HDAC9: variants seen among roughly 807,000 people sequenced by gnomAD.
The protein encoded by HDAC9 is MEF-2 interacting transcription repressor (MITR) protein.
HDAC9 carries 41 observed loss-of-function variants against 139.4 expected under a neutral mutation model. The ratio of observed to expected loss-of-function variants is 0.29; its 90% confidence interval spans 0.23 to 0.38. The LOEUF is 0.38. HDAC9 is among the 10% of genes least tolerant of loss of function. HDAC9 has a pLI of 1.00. For missense variants in HDAC9, 1,147 were observed against 1,297.0 expected, an observed-to-expected ratio of 0.88 and a Z score of 1.78; for synonymous variants, 517 against 476.2, an observed-to-expected ratio of 1.09 and a Z score of -1.12.
At chr7:18,676,979 C>T (rs1781557466) in intron 12 of HDAC9, among the ~76,000 whole-genome samples, 1 of 151,706 alleles carries the variant, frequency 6.6e-6, no homozygotes, top group Admixed American at 6.6e-5. Flanking sequence ...GATTTTTAGT[C>T]TACTTTTTGA....
chr7:18,732,816 CGT>C lies in HDAC9; in HGVS notation c.1909+5064_1909+5065del, dbSNP rs1436807265. On this transcript the variant is annotated intron_variant, in intron 13 of 25. Transcript: ENST00000686413. Reference sequence around the variant, plus strand: ...GTTTGTGTGCGTATGTGTACACACACGTGTGTATGTGTGCGTATGTGTACACA... The same window carrying C: ...GTTTGTGTGCGTATGTGTACACACACGTGTATGTGTGCGTATGTGTACACA... 1.3e-3 allele frequency among the ~76,000 whole-genome samples: 111 copies of C among 85,978 alleles called. 13 individuals are homozygous for C. Among genetic ancestry groups the C allele is most frequent in the Middle Eastern group, 0.015 (2 of 134 alleles). 56.4% of individuals were successfully genotyped at this position (85,978 alleles called of 152,430 possible).
chr7:18,393,839 T>C (rs1269605350), intron 1 of HDAC9, among the ~76,000 whole-genome samples: 1 of 152,218 alleles, frequency 6.6e-6, no homozygotes, highest in African/African-American at 2.4e-5. Context: ...AGTGAAAATT[T>C]CCTACAGGCT....
chr7:18,238,223 A>T (rs1039738492), intron 2 of HDAC9, among the ~76,000 whole-genome samples: 1 of 152,244 alleles, frequency 6.6e-6, no homozygotes, highest in Non-Finnish European at 1.5e-5. Flanking sequence ...TTTCTACAGC[A>T]TTTATAATTT....
At chr7:18,352,870 T>G (rs1394252844) in intron 1 of HDAC9, among the ~76,000 whole-genome samples, 1 of 152,118 alleles carries the variant, frequency 6.6e-6, no homozygotes, top group East Asian at 1.9e-4. Flanking sequence ...ATCTGTATCT[T>G]CTAAGAAAAT....
chr7:18,463,755 C>T (rs542848720), intron 1 of HDAC9, among the ~76,000 whole-genome samples: 22 of 151,804 alleles, frequency 1.4e-4, no homozygotes, highest in African/African-American at 5.3e-4. Context: ...GCATATTATG[C>T]TTTAGTTTTT....
At chr7:18,811,898 A>G (rs1441982159) in intron 17 of HDAC9, among the ~76,000 whole-genome samples, 1 of 151,644 alleles carries the variant, frequency 6.6e-6, no homozygotes, top group Non-Finnish European at 1.5e-5. Context: ...CAAAATATGT[A>G]CATATTCATC....
intron 22 of HDAC9, among the ~76,000 whole-genome samples, chr7:18,932,814 T>C (rs1212940629): frequency 2.6e-5 from 2 of 75,712 alleles, no homozygotes; most frequent in South Asian, 7.3e-4. Flanking sequence ...GAAAGAAAGA[T>C]AGAAAGAAAG....
intron 12 of HDAC9, among the ~76,000 whole-genome samples, chr7:18,721,921 C>T (rs1446780827): frequency 6.6e-6 from 1 of 152,174 alleles, no homozygotes; most frequent in Non-Finnish European, 1.5e-5. Context: ...ACTATCCCTA[C>T]CCACTTTCAA....
intron 1 of HDAC9, among the ~76,000 whole-genome samples, chr7:18,456,263 G>A (rs1273065987): frequency 2.0e-5 from 3 of 152,118 alleles, no homozygotes; most frequent in Non-Finnish European, 4.4e-5. Flanking sequence ...TTGAGATAGA[G>A]TCTTTCTCTG....
At chr7:18,281,647 C>T (rs752412081) in intron 2 of HDAC9, among the ~76,000 whole-genome samples, 3 of 152,210 alleles carry the variant, frequency 2.0e-5, no homozygotes, top group Non-Finnish European at 2.9e-5. Flanking sequence ...TAAACACCTT[C>T]CTTTGTAACC....
intron 1 of HDAC9, among the ~76,000 whole-genome samples, chr7:18,432,882 C>T (rs1010350893): frequency 2.0e-5 from 3 of 150,818 alleles, no homozygotes; most frequent in South Asian, 2.1e-4. Flanking sequence ...ACCCGGGAGG[C>T]GGAGCTTGCA....
intron 2 of HDAC9, among the ~76,000 whole-genome samples, chr7:18,244,179 G>C (rs1794368231): frequency 6.6e-6 from 1 of 152,054 alleles, no homozygotes; most frequent in African/African-American, 2.4e-5. Flanking sequence ...AAATCCAATA[G>C]TGCAGGAGGG....
In HDAC9 at chr7:18,719,331, C is replaced by CTTTTTTTTTTT. The variant is rs757689693; in HGVS notation, c.1732-8233_1732-8223dup. On this transcript the variant is annotated intron_variant, in intron 12 of 25. Coordinates refer to ENST00000686413, the MANE Select transcript of HDAC9 (RefSeq NM_178425.4). The stretch of plus-strand genomic sequence containing the variant: ...CTAATTAACCTATTTTTTTCTCTTC[C>CTTTTTTTTTTT]TTTTTTTTTTTTTTTTTTTTTTTTT... Among the ~76,000 whole-genome samples the CTTTTTTTTTTT allele has an allele frequency of 1.0e-3, 77 of 73,908 alleles. 9 individuals carry two copies. Among genetic ancestry groups the CTTTTTTTTTTT allele is most frequent in the African/African-American group, 2.5e-3 (38 of 15,202 alleles). 48.5% of individuals were successfully genotyped at this position (73,908 alleles called of 152,430 possible). A position where few individuals can be genotyped will look rare whatever the true frequency, so the allele number is the denominator to read the frequency against.
At position 18,733,004 on chromosome 7, in the gene HDAC9, C is replaced by T. The variant is rs534601205; in HGVS notation, c.1909+5247C>T. On this transcript the variant is annotated intron_variant, in intron 13 of 25. Coordinates refer to ENST00000686413, the MANE Select transcript of HDAC9 (RefSeq NM_178425.4). ...GTGTATGTGTGTGTATGTGTATATA[C>T]ACATGTGTATGTGTGTATATATGTA... 6.0e-4 allele frequency among the ~76,000 whole-genome samples: 84 copies of T among 139,044 alleles called. 2 individuals are homozygous for T. In the South Asian group the frequency reaches 0.011, roughly 18 times the overall value. The allele number at this position is 139,044 out of a possible 152,430, so 91.2% of individuals were successfully genotyped here. A position where few individuals can be genotyped will look rare whatever the true frequency, so the allele number is the denominator to read the frequency against.
rs947011607 is a variant in HDAC9, at chr7:18,714,826, C to G, written c.1732-12754C>G. On this transcript the variant is annotated intron_variant, in intron 12 of 25. Coordinates refer to ENST00000686413, the MANE Select transcript of HDAC9 (RefSeq NM_178425.4). ...GATTGTAAATTCAGAAGAAGAGTGA[C>G]TGGATCTGTTGAGTCCACCATTGTA... 2.0e-5 allele frequency among the ~76,000 whole-genome samples: 3 copies of G among 152,152 alleles called. No individual in the cohort carries two copies. In the South Asian group the frequency reaches 6.2e-4, roughly 31 times the overall value.
chr7:18,397,727 C>A (rs968164990), intron 1 of HDAC9, among the ~76,000 whole-genome samples: 2 of 152,084 alleles, frequency 1.3e-5, no homozygotes, highest in African/African-American at 4.8e-5. Flanking sequence ...TATGACATCC[C>A]TTCTCCATTG....
intron 6 of HDAC9, among the ~76,000 whole-genome samples, chr7:18,618,419 A>G (rs1040352393): frequency 3.3e-5 from 5 of 152,192 alleles, no homozygotes; most frequent in Admixed American, 3.3e-4. Flanking sequence ...TAGGTTTATG[A>G]TGATACCCAG....
intron 25 of HDAC9, among the ~76,000 whole-genome samples, chr7:18,979,040 T>A (rs995290772): frequency 1.3e-5 from 2 of 152,162 alleles, no homozygotes; most frequent in Admixed American, 6.5e-5. Flanking sequence ...CATTTTTTTT[T>A]AACAAAATCC....
intron 2 of HDAC9, among the ~76,000 whole-genome samples, chr7:18,211,230 C>T (rs936298558): frequency 9.2e-5 from 14 of 152,156 alleles, no homozygotes; most frequent in African/African-American, 3.4e-4. Flanking sequence ...TACCTTTGGG[C>T]TTGTATGAAG....
Sources: gnomAD v4.1 joint callset for allele counts (sites outside exome capture counted in the v4.1 genomes callset) on GRCh38, gnomAD v4.1.1 for gene constraint, MANE v1.5 for transcripts, NCBI Gene and HGNC (gene_info 2026-07-23, HGNC 2026-07-21) for gene names.